The following PXT1 variants were observed in gnomAD, a reference collection of about 807,000 sequenced individuals.
PXT1 encodes peroxisomal testis-specific protein 1.
In PXT1, 11 loss-of-function variants were observed where a neutral mutation model predicts 11.0. The ratio of observed to expected loss-of-function variants is 1.00; its 90% CI spans 0.63 to 1.66. The LOEUF is 1.66. Ranked by LOEUF, PXT1 falls within the 40% of genes most tolerant of loss-of-function variation. PXT1 has a pLI of 0.00. For synonymous variants in PXT1, 43 were observed against 51.4 expected, an observed-to-expected ratio of 0.84 and a Z score of 0.70; for missense variants, 141 against 155.5, an observed-to-expected ratio of 0.91 and a Z score of 0.49.
intron 3 of PXT1, among the ~76,000 whole-genome samples, chr6:36,417,992 C>G (rs918446286): frequency 1.8e-4 from 27 of 151,444 alleles, no homozygotes; most frequent in African/African-American, 6.3e-4. Flanking sequence ...GTCAGGAGAT[C>G]GAGACCATCC....
intron 3 of PXT1, among the ~76,000 whole-genome samples, chr6:36,407,601 G>T (rs926111870): frequency 6.6e-6 from 1 of 150,696 alleles, no homozygotes; most frequent in Admixed American, 6.6e-5. Flanking sequence ...TTGAGATGGA[G>T]TCTCATGTTG....
At chr6:36,442,379 A>T (rs1774886555) in intron 1 of PXT1, among the ~76,000 whole-genome samples, 156 bp downstream of exon 1, 1 of 152,098 alleles carries the variant, frequency 6.6e-6, no homozygotes, top group Non-Finnish European at 1.5e-5. Context: ...GACAATAAGA[A>T]CTTCCTTTTG....
chr6:36,413,734 C>T (rs950629147), intron 3 of PXT1, among the ~76,000 whole-genome samples: 1 of 152,190 alleles, frequency 6.6e-6, no homozygotes, highest in Admixed American at 6.5e-5. Context: ...CAGTGGCTCA[C>T]GCCTGTAATC....
intron 3 of PXT1, among the ~76,000 whole-genome samples, chr6:36,424,392 A>G (rs955759671): frequency 2.6e-5 from 4 of 152,248 alleles, no homozygotes; most frequent in African/African-American, 9.6e-5. Flanking sequence ...CTGTAATCCC[A>G]GCACTTTGGG....
intron 4 of PXT1, among the ~76,000 whole-genome samples, chr6:36,398,320 T>C (rs1774170924): frequency 6.6e-6 from 1 of 152,148 alleles, no homozygotes; most frequent in South Asian, 2.1e-4. Context: ...AGTCTGGAAG[T>C]TCCTCAAAAA....
intron 3 of PXT1, among the ~76,000 whole-genome samples, chr6:36,404,683 C>T (rs1197309621): frequency 1.1e-4 from 16 of 151,504 alleles, no homozygotes; most frequent in South Asian, 2.1e-4. Context: ...GGGAGCTGGG[C>T]GCAGTGGCTC....
chr6:36,437,912 C>T lies in PXT1; in HGVS notation c.-10+855G>A, dbSNP rs561367345. Among the ~76,000 whole-genome samples the T allele has an allele frequency of 2.0e-5, 3 of 148,996 alleles. 1 individual carries two copies. The highest frequency in any genetic ancestry group is 7.4e-5 in the African/African-American group (3 of 40,312). On this transcript the variant is annotated intron_variant, in intron 2 of 4. Coordinates refer to ENST00000454782, the MANE Select transcript of PXT1 (RefSeq NM_152990.4). ...TCGGCTCACTGCACACTCCACGTCC[C>T]GGGTTCAAGTGATTCTCCTACCTCA... is the stretch of plus-strand genomic sequence containing the variant.
chr6:36,402,979 T>G (rs2127411180), intron 3 of PXT1, among the ~76,000 whole-genome samples: 1 of 151,236 alleles, frequency 6.6e-6, no homozygotes, highest in South Asian at 2.1e-4. Flanking sequence ...ACAGTTTCAC[T>G]CTGTCACCCA....
intron 3 of PXT1, among the ~76,000 whole-genome samples, chr6:36,422,484 T>C (rs778735575): frequency 7.2e-5 from 11 of 152,210 alleles, no homozygotes; most frequent in Non-Finnish European, 1.5e-4. Context: ...TATCACATTA[T>C]ATTTAACATT....
At chr6:36,427,353 G>A (rs904077318) in intron 2 of PXT1, among the ~76,000 whole-genome samples, 1 of 151,924 alleles carries the variant, frequency 6.6e-6, no homozygotes, top group Non-Finnish European at 1.5e-5. Flanking sequence ...CTTGAAGGGT[G>A]GCCACAGAGT....
intron 4 of PXT1, among the ~76,000 whole-genome samples, chr6:36,398,951 C>T (rs952108651): frequency 1.3e-5 from 2 of 152,136 alleles, no homozygotes; most frequent in Non-Finnish European, 2.9e-5. Flanking sequence ...CACATCATTT[C>T]TATGAGCCCT....
chr6:36,395,847 A>G (rs1185134402), intron 4 of PXT1, among the ~76,000 whole-genome samples: 1 of 151,954 alleles, frequency 6.6e-6, no homozygotes, highest in African/African-American at 2.4e-5. Flanking sequence ...AAAAAAATAC[A>G]AAAAAATTAC....
intron 3 of PXT1, among the ~76,000 whole-genome samples, chr6:36,411,723 C>T (rs1774378332): frequency 6.6e-6 from 1 of 151,980 alleles, no homozygotes; most frequent in South Asian, 2.1e-4. Flanking sequence ...AGGAGGATTA[C>T]TTGAGGCCAA....
intron 3 of PXT1, among the ~76,000 whole-genome samples, chr6:36,404,537 G>C (rs1200435223): frequency 6.6e-6 from 1 of 152,030 alleles, no homozygotes; most frequent in Non-Finnish European, 1.5e-5. Context: ...GCCCACACTG[G>C]TCTCAAACTC....
intron 3 of PXT1, among the ~76,000 whole-genome samples, chr6:36,423,559 C>A (rs1774556970): frequency 6.6e-6 from 1 of 152,334 alleles, no homozygotes; most frequent in African/African-American, 2.4e-5. Flanking sequence ...GCCGGGTTCC[C>A]GAATTACACA....
At chr6:36,395,080 C>T (rs879460084) in intron 4 of PXT1, among the ~76,000 whole-genome samples, 17 of 152,152 alleles carry the variant, frequency 1.1e-4, no homozygotes, top group Admixed American at 2.0e-4. Flanking sequence ...TGGCCTCAGC[C>T]TCCCAACGTG....
chr6:36,412,089 T>G (rs1774383283), intron 3 of PXT1, among the ~76,000 whole-genome samples: 1 of 152,176 alleles, frequency 6.6e-6, no homozygotes, highest in African/African-American at 2.4e-5. Flanking sequence ...CGGTGGCTCA[T>G]GCCTGTAGTC....
chr6:36,403,054 T>A (rs930474579), intron 3 of PXT1, among the ~76,000 whole-genome samples: 5 of 152,096 alleles, frequency 3.3e-5, no homozygotes, highest in African/African-American at 1.2e-4. Flanking sequence ...AAGATGGGGT[T>A]TCACCATGTT....
chr6:36,431,132 A>G (rs1774685836), intron 2 of PXT1, among the ~76,000 whole-genome samples: 1 of 152,210 alleles, frequency 6.6e-6, no homozygotes, highest in Non-Finnish European at 1.5e-5. Flanking sequence ...TGTCATTTTA[A>G]AAGTGTTCAT....
Sources: gnomAD v4.1 joint callset for allele counts (sites outside exome capture counted in the v4.1 genomes callset) on GRCh38, gnomAD v4.1.1 for gene constraint, MANE v1.5 for transcripts, NCBI Gene and HGNC (gene_info 2026-07-23, HGNC 2026-07-21) for gene names.